Variants in PDE7B observed in about 807,000 individuals in gnomAD.
PDE7B encodes the protein 3',5'-cyclic-AMP phosphodiesterase 7B.
A neutral mutation model predicts 56.2 loss-of-function variants in PDE7B; 29 were observed. The ratio of observed to expected loss-of-function variants is 0.52; its 90% CI spans 0.38 to 0.70. The LOEUF (loss-of-function observed/expected upper bound fraction) is 0.70. Among genes scored for constraint, PDE7B ranks in the 30% least tolerant of loss-of-function variants. The pLI is 0.00. For missense variants in PDE7B, 490 were observed against 565.0 expected, an observed-to-expected ratio of 0.87 and a Z score of 1.35; for synonymous variants, 197 against 196.9, an observed-to-expected ratio of 1.00 and a Z score of 0.00.
intron 9 of PDE7B, among the ~76,000 whole-genome samples, chr6:136,175,180 T>G (rs1778956817): frequency 6.6e-6 from 1 of 152,244 alleles, no homozygotes; most frequent in African/African-American, 2.4e-5. Context: ...TATTTTTATG[T>G]GTCTTTGTGG....
chr6:136,025,825 G>T (rs1776140853), intron 2 of PDE7B, among the ~76,000 whole-genome samples: 1 of 152,150 alleles, frequency 6.6e-6, no homozygotes, highest in Non-Finnish European at 1.5e-5. Flanking sequence ...AATATCTGTT[G>T]TCCATGCAGA....
intron 1 of PDE7B, among the ~76,000 whole-genome samples, chr6:135,929,693 C>G (rs907534910): frequency 6.6e-6 from 1 of 152,026 alleles, no homozygotes; most frequent in African/African-American, 2.4e-5. Flanking sequence ...AGAGGCCTTC[C>G]CTGATTTGAT....
At chr6:135,935,167 G>T (rs1319951452) in intron 1 of PDE7B, among the ~76,000 whole-genome samples, 1 of 52,044 alleles carries the variant, frequency 1.9e-5, no homozygotes, top group Non-Finnish European at 3.1e-5. Context: ...ATGAGACAGA[G>T]AATTTTATAT....
intron 2 of PDE7B, among the ~76,000 whole-genome samples, chr6:136,084,459 G>A (rs1777255441): frequency 6.6e-6 from 1 of 152,104 alleles, no homozygotes; most frequent in Middle Eastern, 3.2e-3. Context: ...GAAAAGAGTA[G>A]GGAAGGGAAA....
At chr6:135,881,018 A>G (rs556202780) in intron 1 of PDE7B, among the ~76,000 whole-genome samples, 56 of 152,212 alleles carry the variant, frequency 3.7e-4, no homozygotes, top group African/African-American at 1.3e-3. Context: ...AAGTTCGCAC[A>G]TTTCTCTCAG....
rs879485286 is a variant in PDE7B, at chr6:135,961,279, GTA to G, written c.82+13757_82+13758del. Among the ~76,000 whole-genome samples the G allele has an allele frequency of 7.9e-3, 1,024 of 129,602 alleles. 12 individuals carry two copies. The highest frequency in any genetic ancestry group is 0.015 in the Middle Eastern group (4 of 262). The allele number at this position is 129,602 out of a possible 152,430, so 85.0% of individuals were successfully genotyped here. A position where few individuals can be genotyped will look rare whatever the true frequency, so the allele number is the denominator to read the frequency against. ...TATGTGTGTGTGTGTGTGTGTGTGT[GTA>G]TGTGTGTGTGTGTGTGTGTGTGTGT... On this transcript the variant is annotated intron_variant, in intron 2 of 12. Transcript: ENST00000308191.
At chr6:136,174,625 T>C (rs1778948023) in intron 9 of PDE7B, among the ~76,000 whole-genome samples, 1 of 152,118 alleles carries the variant, frequency 6.6e-6, no homozygotes, top group African/African-American at 2.4e-5. Flanking sequence ...AAAGAGTACA[T>C]AGATTGCTGT....
chr6:135,966,608 TTCA>T (rs1562454925), intron 2 of PDE7B, among the ~76,000 whole-genome samples: 1 of 152,034 alleles, frequency 6.6e-6, no homozygotes, highest in African/African-American at 2.4e-5. Context: ...GAGAGATTGG[TTCA>T]TCACAGACAT....
At chr6:135,935,263 G>A (rs1050338994) in intron 1 of PDE7B, among the ~76,000 whole-genome samples, 1 of 121,154 alleles carries the variant, frequency 8.3e-6, no homozygotes, top group South Asian at 2.7e-4. Flanking sequence ...CAAAAACATT[G>A]AAAGATATTT....
intron 2 of PDE7B, among the ~76,000 whole-genome samples, chr6:136,063,342 A>G (rs1044568874): frequency 1.3e-5 from 2 of 152,194 alleles, no homozygotes; most frequent in African/African-American, 4.8e-5. Flanking sequence ...TAAAACCACA[A>G]TGGGATATCT....
intron 2 of PDE7B, among the ~76,000 whole-genome samples, chr6:135,965,710 G>A (rs1774986146): frequency 6.6e-6 from 1 of 152,112 alleles, no homozygotes; most frequent in South Asian, 2.1e-4. Context: ...ACCTCCCACT[G>A]GGTCCCTCCC....
chr6:136,178,917 C>T (rs1779020430), intron 9 of PDE7B, 80 bp from the exon 10 acceptor site: 2 of 1,437,466 alleles, frequency 1.4e-6, no homozygotes. Context: ...TACAAGCCAC[C>T]TGATGATGAT....
intron 2 of PDE7B, among the ~76,000 whole-genome samples, chr6:136,071,957 ATATT>A (rs1268573295): frequency 3.3e-5 from 5 of 152,198 alleles, no homozygotes; most frequent in African/African-American, 7.2e-5. Context: ...CATTCTAAAA[ATATT>A]TATTAAGCAT....
intron 3 of PDE7B, among the ~76,000 whole-genome samples, chr6:136,114,653 T>C (rs1777801976): frequency 6.6e-6 from 1 of 152,170 alleles, no homozygotes; most frequent in African/African-American, 2.4e-5. Context: ...TGAACTAAAA[T>C]GTCATTGGAT....
intron 2 of PDE7B, among the ~76,000 whole-genome samples, chr6:136,039,373 A>T (rs979732917): frequency 2.0e-5 from 3 of 152,228 alleles, no homozygotes; most frequent in African/African-American, 7.2e-5. Context: ...AGAAGAAAGA[A>T]CATGAGTGTG....
chr6:135,882,803 A>G (rs1174323339), intron 1 of PDE7B, among the ~76,000 whole-genome samples: 1 of 152,156 alleles, frequency 6.6e-6, no homozygotes, highest in Non-Finnish European at 1.5e-5. Context: ...GTCTTCCCCT[A>G]TTTGAACACT....
At chr6:136,184,165 T>A (rs1456270979) in intron 11 of PDE7B, among the ~76,000 whole-genome samples, 1 of 152,232 alleles carries the variant, frequency 6.6e-6, no homozygotes, top group Non-Finnish European at 1.5e-5. Flanking sequence ...ACAGGTAGTC[T>A]ATGCTTTGTA....
At chr6:136,067,266 G>C (rs781388868) in intron 2 of PDE7B, among the ~76,000 whole-genome samples, 4 of 152,088 alleles carry the variant, frequency 2.6e-5, no homozygotes, top group Non-Finnish European at 5.9e-5. Context: ...AAAATTTTCA[G>C]CTTAAAGCAT....
At chr6:135,961,657 C>T (rs1774904928) in intron 2 of PDE7B, among the ~76,000 whole-genome samples, 1 of 152,036 alleles carries the variant, frequency 6.6e-6, no homozygotes, top group South Asian at 2.1e-4. Context: ...CTTTGTTGAA[C>T]ACTTGAAAAT....
Sources: allele counts gnomAD v4.1 joint callset (sites outside exome capture counted in the v4.1 genomes callset), GRCh38; gene constraint gnomAD v4.1.1; transcripts MANE v1.5; gene names NCBI Gene and HGNC (gene_info 2026-07-23, HGNC 2026-07-21).